Variants in RANBP2 observed in about 807,000 individuals in gnomAD.
RANBP2 encodes E3 SUMO-protein ligase RanBP2.
A neutral mutation model predicts 303.6 loss-of-function variants in RANBP2; 57 were observed. The observed-to-expected ratio is 0.19, with a 90% confidence interval of 0.15 to 0.23. The LOEUF (loss-of-function observed/expected upper bound fraction) is 0.23. RANBP2 is among the 10% of genes least tolerant of loss of function. RANBP2 has a pLI of 1.00. For synonymous variants in RANBP2, 1,167 were observed against 1,301.5 expected, an observed-to-expected ratio of 0.90 and a Z score of 2.23; for missense variants, 3,138 against 3,780.8, an observed-to-expected ratio of 0.83 and a Z score of 4.46.
chr2:109,539,271 C>T, the RANBP2 span, among the ~76,000 whole-genome samples: 1 of 151,968 alleles, frequency 6.6e-6, no homozygotes, highest in African/African-American at 2.4e-5. Context: ...GCACTCCAGC[C>T]TGGGCGACAG....
the RANBP2 span, among the ~76,000 whole-genome samples, chr2:109,431,794 C>T: frequency 2.6e-5 from 4 of 152,104 alleles, no homozygotes; most frequent in African/African-American, 9.7e-5. Context: ...TCACTTGAGC[C>T]CAGGCCATTG....
At chr2:108,950,993 A>C in the RANBP2 span, among the ~76,000 whole-genome samples, 50 of 152,290 alleles carry the variant, frequency 3.3e-4, 1 homozygote, top group East Asian at 1.4e-3. Context: ...TCTGCCATCC[A>C]TTGTCCAGCA....
the RANBP2 span, among the ~76,000 whole-genome samples, chr2:109,215,617 G>A: frequency 2.0e-5 from 3 of 151,992 alleles, no homozygotes; most frequent in Non-Finnish European, 4.4e-5. Flanking sequence ...GTTCTTCCTC[G>A]GTGACTCTGG....
the RANBP2 span, among the ~76,000 whole-genome samples, chr2:108,810,240 T>A: frequency 6.6e-6 from 1 of 152,234 alleles, no homozygotes; most frequent in African/African-American, 2.4e-5. Context: ...AGGAAAAATT[T>A]TCAGCTTTTC....
the RANBP2 span, among the ~76,000 whole-genome samples, chr2:109,094,623 A>T: frequency 6.6e-6 from 1 of 152,192 alleles, no homozygotes; most frequent in African/African-American, 2.4e-5. Context: ...TGAGGTCAGG[A>T]GTTCAAGACC....
the RANBP2 span, among the ~76,000 whole-genome samples, chr2:109,725,745 T>A: frequency 6.6e-6 from 1 of 152,122 alleles, no homozygotes; most frequent in Non-Finnish European, 1.5e-5. Flanking sequence ...CTTTTTTTTC[T>A]TTTTTGAGAC....
chr2:109,029,493 A>G, the RANBP2 span, among the ~76,000 whole-genome samples: 1 of 152,230 alleles, frequency 6.6e-6, no homozygotes, highest in Non-Finnish European at 1.5e-5. Flanking sequence ...CCTGGGAAGC[A>G]GCAGCTCAGT....
the RANBP2 span, chr2:109,347,770 C>T: frequency 6.3e-5 from 102 of 1,613,830 alleles, no homozygotes; most frequent in Non-Finnish European, 6.9e-5. Flanking sequence ...CATCGTCCTG[C>T]GGCGCAAGGT....
the RANBP2 span, among the ~76,000 whole-genome samples, chr2:109,731,763 C>A: frequency 1.2e-3 from 186 of 152,192 alleles, 1 homozygote; most frequent in Non-Finnish European, 9.6e-4. Context: ...GCTGGGATTA[C>A]AGGCAGGAGC....
At chr2:109,249,519 T>TTA in the RANBP2 span, among the ~76,000 whole-genome samples, 1 of 61,900 alleles carries the variant, frequency 1.6e-5, no homozygotes. Flanking sequence ...CATTCTTTCT[T>TTA]TTTCTTTCTT....
At chr2:109,425,353 T>A in the RANBP2 span, among the ~76,000 whole-genome samples, 3 of 152,050 alleles carry the variant, frequency 2.0e-5, no homozygotes, top group Non-Finnish European at 4.4e-5. Context: ...AAATCACTGA[T>A]GAAGGTGGCG....
chr2:108,838,630 T>C, the RANBP2 span, among the ~76,000 whole-genome samples: 6 of 152,184 alleles, frequency 3.9e-5, no homozygotes, highest in African/African-American at 1.2e-4. Context: ...TAGACATCCT[T>C]AAACAGTTAA....
the RANBP2 span, among the ~76,000 whole-genome samples, chr2:109,460,730 A>G: frequency 2.0e-5 from 3 of 152,194 alleles, no homozygotes; most frequent in East Asian, 3.8e-4. Context: ...CAATTTTCCA[A>G]TTATGTTTCT....
the RANBP2 span, among the ~76,000 whole-genome samples, chr2:109,069,632 CT>C: frequency 6.6e-6 from 1 of 152,240 alleles, no homozygotes; most frequent in Non-Finnish European, 1.5e-5. Flanking sequence ...AGAGTTTCAC[CT>C]TGCTGGCTCA....
At chr2:109,487,296 A>C in the RANBP2 span, among the ~76,000 whole-genome samples, 6 of 152,280 alleles carry the variant, frequency 3.9e-5, no homozygotes, top group South Asian at 1.2e-3. Flanking sequence ...AGTACATGCC[A>C]ACTGTCCATT....
the RANBP2 span, among the ~76,000 whole-genome samples, chr2:109,199,633 G>GTTCC: frequency 0.019 from 1 of 52 alleles, no homozygotes; most frequent in Admixed American, 0.12. Flanking sequence ...GGAATGGAAT[G>GTTCC]GAATGGAATG....
the RANBP2 span, among the ~76,000 whole-genome samples, chr2:109,133,665 C>T: frequency 2.0e-5 from 3 of 151,708 alleles, no homozygotes; most frequent in Admixed American, 6.6e-5. Context: ...CCTGATTTGA[C>T]CATTTTGTTA....
the RANBP2 span, among the ~76,000 whole-genome samples, chr2:109,254,833 G>T: frequency 3.9e-4 from 60 of 151,968 alleles, 1 homozygote; most frequent in Non-Finnish European, 5.9e-5. Context: ...GCACTGCCTC[G>T]CCAGGGCAGT....
chr2:108,867,526 A>G, the RANBP2 span, among the ~76,000 whole-genome samples: 1 of 151,820 alleles, frequency 6.6e-6, no homozygotes, highest in Non-Finnish European at 1.5e-5. Flanking sequence ...TTGGACTAGC[A>G]CTCCCCTCCC....
Sources: gnomAD v4.1 joint callset for allele counts (sites outside exome capture counted in the v4.1 genomes callset) on GRCh38, gnomAD v4.1.1 for gene constraint, MANE v1.5 for transcripts, NCBI Gene and HGNC (gene_info 2026-07-23, HGNC 2026-07-21) for gene names.